ESRRG: variants seen among roughly 807,000 people sequenced by gnomAD.
ESRRG encodes the protein estrogen-related receptor gamma.
In ESRRG, 13 loss-of-function variants were observed where a neutral mutation model predicts 44.0. The observed-to-expected ratio is 0.30, with a 90% CI of 0.19 to 0.47. The LOEUF (loss-of-function observed/expected upper bound fraction) is 0.47, where lower values mean the gene tolerates loss of function less well. Among genes scored for constraint, ESRRG ranks in the 20% least tolerant of loss-of-function variants. ESRRG has a pLI of 1.00. For missense variants in ESRRG, 395 were observed against 580.6 expected, an observed-to-expected ratio of 0.68 and a Z score of 3.29; for synonymous variants, 215 against 214.6, an observed-to-expected ratio of 1.00 and a Z score of -0.02.
intron 3 of ESRRG, among the ~76,000 whole-genome samples, chr1:216,587,359 C>G (rs899037659): frequency 6.6e-6 from 1 of 152,126 alleles, no homozygotes; most frequent in Non-Finnish European, 1.5e-5. Flanking sequence ...GATAAAGAAG[C>G]ATTTGGACCT....
intron 2 of ESRRG, among the ~76,000 whole-genome samples, chr1:216,868,255 T>A (rs1185379277): frequency 1.3e-5 from 2 of 151,936 alleles, no homozygotes; most frequent in Non-Finnish European, 2.9e-5. Context: ...GCCCAGTTAA[T>A]TTATTTGTAT....
chr1:216,560,816 C>T lies in ESRRG; in HGVS notation c.862+3403G>A, dbSNP rs137982303. 2.5e-3 allele frequency among the ~76,000 whole-genome samples: 376 copies of T among 152,284 alleles called. 3 individuals carry two copies. The highest frequency in any genetic ancestry group is 8.6e-3 in the African/African-American group (359 of 41,566). ...TTACAGCTCAATCATATTGTGTTAG[C>T]ATGCGCTTATCCGAGCGCGGACGAA... On this transcript the variant is annotated intron_variant, in intron 5 of 6. Transcript: ENST00000408911.
intron 3 of ESRRG, among the ~76,000 whole-genome samples, chr1:216,611,825 G>T (rs1463461056): frequency 6.6e-6 from 1 of 152,088 alleles, no homozygotes; most frequent in African/African-American, 2.4e-5. Context: ...TCACAAAATA[G>T]AAGTGCTTTC....
intron 1 of ESRRG, among the ~76,000 whole-genome samples, chr1:216,951,411 G>A (rs910827210): frequency 3.3e-5 from 5 of 152,116 alleles, no homozygotes; most frequent in Non-Finnish European, 5.9e-5. Context: ...TGGAGCAGAA[G>A]GCAGTGATAT....
chr1:217,104,645 G>T (rs557183861), intron 1 of ESRRG, among the ~76,000 whole-genome samples: 10 of 152,250 alleles, frequency 6.6e-5, no homozygotes, highest in African/African-American at 2.4e-4. Context: ...CCCAAGCAAG[G>T]TCTTGAAGTC....
At chr1:216,550,776 C>G (rs1461484504) in intron 5 of ESRRG, among the ~76,000 whole-genome samples, 1 of 152,184 alleles carries the variant, frequency 6.6e-6, no homozygotes, top group Non-Finnish European at 1.5e-5. Flanking sequence ...TACTGCCATT[C>G]TCCTTAATGC....
chr1:216,823,610 T>A (rs756645520), intron 2 of ESRRG, among the ~76,000 whole-genome samples: 5 of 152,172 alleles, frequency 3.3e-5, no homozygotes, highest in Non-Finnish European at 7.3e-5. Context: ...TCACTTAACT[T>A]TATTTCCATT....
chr1:216,888,899 A>G (rs1016283678), intron 2 of ESRRG, among the ~76,000 whole-genome samples: 10 of 152,196 alleles, frequency 6.6e-5, no homozygotes, highest in African/African-American at 2.4e-4. Flanking sequence ...AGGGAGATAC[A>G]AGTACTAATG....
rs568404058 is a variant in ESRRG, at chr1:216,541,953, A to G, written c.862+22266T>C. Among the ~76,000 whole-genome samples the G allele has an allele frequency of 2.2e-3, 329 of 151,948 alleles. 3 individuals are homozygous for G. Among genetic ancestry groups the G allele is most frequent in the African/African-American group, 7.5e-3 (311 of 41,486 alleles). On this transcript the variant is annotated intron_variant, in intron 5 of 6. Transcript: ENST00000408911. Reference sequence around the variant, plus strand: ...GGTTTGGGATTTTCATTCTGGCCATACTTCGGGAGCCGAGCCCAAGACGTT... The same window carrying G: ...GGTTTGGGATTTTCATTCTGGCCATGCTTCGGGAGCCGAGCCCAAGACGTT...
chr1:217,046,092 G>A (rs2084827502), intron 1 of ESRRG, among the ~76,000 whole-genome samples: 1 of 151,428 alleles, frequency 6.6e-6, no homozygotes, highest in Non-Finnish European at 1.5e-5. Context: ...TGACCCAAAA[G>A]AGTTAAGGCA....
Position 217,034,837 on chromosome 1 carries a change from A to C in ESRRG, c.-106+54670T>G, listed in dbSNP as rs114202599. 8.6e-3 allele frequency among the ~76,000 whole-genome samples: 1,309 copies of C among 152,312 alleles called. 6 individuals carry two copies. Among genetic ancestry groups the C allele is most frequent in the Non-Finnish European group, 0.015 (993 of 68,038 alleles). Reference sequence around the variant, plus strand: ...TAATGATAATTGTAATAACACAGACAAATTGTGGGCAAGTAATCCATAATG... The same window carrying C: ...TAATGATAATTGTAATAACACAGACCAATTGTGGGCAAGTAATCCATAATG... On this transcript the variant is annotated intron_variant, in intron 1 of 7. Transcript: ENST00000359162.
chr1:216,547,750 GAC>G (rs1280677260), intron 5 of ESRRG, among the ~76,000 whole-genome samples: 2 of 152,056 alleles, frequency 1.3e-5, no homozygotes, highest in East Asian at 1.9e-4. Context: ...GCAGGTGTCT[GAC>G]ACACAGCTAT....
chr1:217,096,953 G>T (rs1445824965), intron 1 of ESRRG, among the ~76,000 whole-genome samples: 2 of 152,162 alleles, frequency 1.3e-5, no homozygotes, highest in Non-Finnish European at 2.9e-5. Flanking sequence ...ATGGAAAAAA[G>T]CTGGGCTAGC....
intron 2 of ESRRG, among the ~76,000 whole-genome samples, chr1:216,875,797 C>G (rs1031727279): frequency 6.6e-6 from 1 of 152,092 alleles, no homozygotes; most frequent in Non-Finnish European, 1.5e-5. Flanking sequence ...TGCTGGGTCA[C>G]AGGCTATGCA....
At chr1:216,822,696 A>G (rs2095322567) in intron 2 of ESRRG, among the ~76,000 whole-genome samples, 1 of 152,190 alleles carries the variant, frequency 6.6e-6, no homozygotes, top group Non-Finnish European at 1.5e-5. Flanking sequence ...ATGGGCCAAT[A>G]GCTGTTGAAA....
intron 1 of ESRRG, among the ~76,000 whole-genome samples, chr1:217,109,450 A>T (rs979896549): frequency 3.9e-5 from 6 of 152,114 alleles, no homozygotes; most frequent in African/African-American, 1.2e-4. Context: ...TAATGACCAA[A>T]TGCATTCCCA....
intron 5 of ESRRG, among the ~76,000 whole-genome samples, chr1:216,561,214 T>A (rs1052598294): frequency 6.6e-6 from 1 of 152,150 alleles, no homozygotes; most frequent in Non-Finnish European, 1.5e-5. Context: ...AAAGAAAGTG[T>A]GCAAAAGTAC....
At chr1:217,003,489 T>C (rs1425770906) in intron 1 of ESRRG, among the ~76,000 whole-genome samples, 1 of 150,890 alleles carries the variant, frequency 6.6e-6, no homozygotes, top group Non-Finnish European at 1.5e-5. Context: ...AATAATAATT[T>C]AATGTATTAT....
At chr1:217,123,777 G>A (rs1270297108) in intron 1 of ESRRG, among the ~76,000 whole-genome samples, 3 of 152,120 alleles carry the variant, frequency 2.0e-5, no homozygotes, top group Admixed American at 1.3e-4. Flanking sequence ...GGCAGCAAGA[G>A]CATTAGGGAA....
Sources: gnomAD v4.1 joint callset for allele counts (sites outside exome capture counted in the v4.1 genomes callset) on GRCh38, gnomAD v4.1.1 for gene constraint, MANE v1.5 for transcripts, NCBI Gene and HGNC (gene_info 2026-07-23, HGNC 2026-07-21) for gene names.